CPED1: variants seen among roughly 807,000 people sequenced by gnomAD.
CPED1 encodes cadherin like and PC-esterase domain containing 1.
CPED1 carries 114 observed loss-of-function variants against 128.2 expected under a neutral mutation model. That is an observed-to-expected ratio of 0.89 (90% CI 0.76 to 1.04). The LOEUF is 1.04. Among genes scored for constraint, CPED1 ranks in the 50% least tolerant of loss-of-function variants. The probability of loss-of-function intolerance (pLI) is 0.00; values close to 1 mark genes in which losing one functional copy is unlikely to be tolerated. For missense variants in CPED1, 1,211 were observed against 1,207.1 expected, an observed-to-expected ratio of 1.00 and a Z score of -0.05; for synonymous variants, 462 against 426.7, an observed-to-expected ratio of 1.08 and a Z score of -1.02.
intron 16 of CPED1, among the ~76,000 whole-genome samples, chr7:121,171,511 T>C (rs1462620776): frequency 6.6e-6 from 1 of 152,218 alleles, no homozygotes; most frequent in East Asian, 1.9e-4. Flanking sequence ...GAATGCATTT[T>C]AAAAATATAC....
intron 7 of CPED1, among the ~76,000 whole-genome samples, chr7:121,101,922 A>C (rs538107244): frequency 7.8e-4 from 118 of 152,256 alleles, no homozygotes; most frequent in African/African-American, 2.6e-3. Context: ...ATTGGGGATC[A>C]TATTTCAACA....
At chr7:121,226,391 G>A (rs1459390146) in intron 16 of CPED1, among the ~76,000 whole-genome samples, 5 of 151,960 alleles carry the variant, frequency 3.3e-5, no homozygotes, top group Non-Finnish European at 5.9e-5. Context: ...TTCCTGTTCA[G>A]CCATCTTGGA....
At chr7:121,033,932 C>T (rs1792806178) in intron 3 of CPED1, among the ~76,000 whole-genome samples, 3 of 152,080 alleles carry the variant, frequency 2.0e-5, no homozygotes, top group African/African-American at 7.2e-5. Flanking sequence ...CTCACAATCC[C>T]CAATGCCTTA....
In CPED1 at chr7:121,215,386, A is replaced by G. The variant is rs548509202; in HGVS notation, c.2056-21328A>G. On this transcript the variant is annotated intron_variant, in intron 16 of 22. Transcript: ENST00000310396. ...TTATTGCAACTGGAAAGTAAAGTCT[A>G]TGAGCAATATAATTTTATTTTCATA... Among the ~76,000 whole-genome samples, 12 of 152,224 alleles carry G rather than the reference A, an allele frequency of 7.9e-5. No homozygotes were observed. In the South Asian group the frequency reaches 8.3e-4, roughly 11 times the overall value.
intron 16 of CPED1, among the ~76,000 whole-genome samples, chr7:121,186,551 C>A (rs1439067771): frequency 6.6e-6 from 1 of 152,040 alleles, no homozygotes; most frequent in Non-Finnish European, 1.5e-5. Flanking sequence ...ACACATAGGG[C>A]ACTATACACA....
chr7:121,238,423 C>T (rs1227977119), intron 17 of CPED1, among the ~76,000 whole-genome samples: 5 of 152,150 alleles, frequency 3.3e-5, no homozygotes, highest in Non-Finnish European at 5.9e-5. Flanking sequence ...CCTGTACCTA[C>T]AAGTCCTCTT....
chr7:121,068,923 T>G (rs952131384), intron 5 of CPED1, among the ~76,000 whole-genome samples: 7 of 152,150 alleles, frequency 4.6e-5, no homozygotes, highest in Admixed American at 2.6e-4. Flanking sequence ...GTTTGTCTGT[T>G]GTTAGTGGTT....
At chr7:121,001,955 T>C (rs930286206) in intron 2 of CPED1, among the ~76,000 whole-genome samples, 4 of 152,000 alleles carry the variant, frequency 2.6e-5, no homozygotes, top group Admixed American at 6.6e-5. Context: ...TAAAATATTC[T>C]CATTGCATTT....
At chr7:121,001,341 C>A (rs147132135) in intron 2 of CPED1, among the ~76,000 whole-genome samples, 306 of 152,124 alleles carry the variant, frequency 2.0e-3, no homozygotes, top group African/African-American at 7.1e-3. Context: ...TATTTTAGTT[C>A]TTTTCATAGC....
chr7:121,173,702 C>T (rs74493838), intron 16 of CPED1, among the ~76,000 whole-genome samples: 117 of 152,090 alleles, frequency 7.7e-4, no homozygotes, highest in African/African-American at 2.6e-3. Flanking sequence ...TTCACATGCA[C>T]GTGTCTTTAT....
intron 4 of CPED1, among the ~76,000 whole-genome samples, chr7:121,057,287 TATA>T (rs1161578734): frequency 3.3e-5 from 5 of 152,178 alleles, no homozygotes; most frequent in Non-Finnish European, 7.3e-5. Context: ...CTCTAATTTT[TATA>T]ATAATTTCAA....
Position 121,266,995 on chromosome 7 carries a change from C to G in CPED1, c.2633+187C>G, listed in dbSNP as rs751664222. Among the ~76,000 whole-genome samples the G allele has an allele frequency of 6.6e-5, 10 of 152,026 alleles. No individual in the cohort carries two copies. In the South Asian group the frequency reaches 1.0e-3, roughly 16 times the overall value. ...CAGTCACAACATGGTTGTTCATTAT[C>G]CAGATTTACATTTAGTACAGATCAA... On this transcript the variant is annotated intron_variant, in intron 20 of 22. Transcript: ENST00000310396.
chr7:121,137,312 T>C (rs1443340012), intron 14 of CPED1, among the ~76,000 whole-genome samples: 1 of 151,976 alleles, frequency 6.6e-6, no homozygotes, highest in Non-Finnish European at 1.5e-5. Context: ...GCTAGGACTA[T>C]AGGCATGAGC....
intron 7 of CPED1, among the ~76,000 whole-genome samples, chr7:121,109,765 G>T (rs980038089): frequency 9.9e-5 from 15 of 152,076 alleles, no homozygotes; most frequent in African/African-American, 3.6e-4. Flanking sequence ...TCTACATGAA[G>T]AATATTTGTT....
intron 16 of CPED1, among the ~76,000 whole-genome samples, chr7:121,143,792 C>A (rs1259800820): frequency 6.6e-6 from 1 of 151,806 alleles, no homozygotes; most frequent in Admixed American, 6.6e-5. Context: ...ATAAATGATT[C>A]AGCAGTCCTT....
At chr7:121,031,779 T>C (rs1434324442) in intron 3 of CPED1, among the ~76,000 whole-genome samples, 1 of 152,218 alleles carries the variant, frequency 6.6e-6, no homozygotes, top group Non-Finnish European at 1.5e-5. Flanking sequence ...CAGTTGAAAA[T>C]ATATTATTGA....
At chr7:121,290,041 G>A (rs573018642) in intron 22 of CPED1, among the ~76,000 whole-genome samples, 7 of 152,256 alleles carry the variant, frequency 4.6e-5, no homozygotes, top group African/African-American at 1.4e-4. Flanking sequence ...CCACTTACGA[G>A]TGAGACCATG....
At chr7:121,003,296 A>G (rs935330707) in intron 2 of CPED1, among the ~76,000 whole-genome samples, 10 of 152,160 alleles carry the variant, frequency 6.6e-5, no homozygotes, top group African/African-American at 2.4e-4. Context: ...CCTGACTGAG[A>G]CCTACTGCTA....
chr7:121,070,712 ACTTTTCTCCATCT>A (rs1280038901), intron 5 of CPED1, among the ~76,000 whole-genome samples: 1 of 152,084 alleles, frequency 6.6e-6, no homozygotes, highest in Non-Finnish European at 1.5e-5. Flanking sequence ...GAATTCATCC[ACTTTTCTCCATCT>A]CTACCATGAC....
Sources: gnomAD v4.1 joint callset for allele counts (sites outside exome capture counted in the v4.1 genomes callset) on GRCh38, gnomAD v4.1.1 for gene constraint, MANE v1.5 for transcripts, NCBI Gene and HGNC (gene_info 2026-07-23, HGNC 2026-07-21) for gene names.